The following PPP6R2 variants were observed in gnomAD, a reference collection of about 807,000 sequenced individuals.
The protein encoded by PPP6R2 is serine/threonine-protein phosphatase 6 regulatory subunit 2.
A neutral mutation model predicts 100.2 loss-of-function variants in PPP6R2; 62 were observed. The observed-to-expected ratio is 0.62, with a 90% confidence interval of 0.50 to 0.76. PPP6R2 has a LOEUF of 0.76. PPP6R2 is among the 30% of genes least tolerant of loss of function. The pLI, the probability that PPP6R2 is intolerant of heterozygous loss-of-function variation, is 0.00. For synonymous variants in PPP6R2, 525 were observed against 514.7 expected (o/e 1.02, Z -0.27); for missense variants, 1,142 against 1,276.3 (o/e 0.89, Z 1.60).
rs572893272 is a variant in PPP6R2 at position 50,396,110 on chromosome 22, G to A, written c.227+1975G>A. Reference sequence around the variant, plus strand: ...CTCCGGGAGGCTGAAGCAGGAGAATGGCTTGAACCCAGGAGGTGGAGGTTG... The same window carrying A: ...CTCCGGGAGGCTGAAGCAGGAGAATAGCTTGAACCCAGGAGGTGGAGGTTG... On this transcript the variant is annotated intron_variant, in intron 3 of 23. Coordinates refer to ENST00000612753, the MANE Select transcript of PPP6R2 (RefSeq NM_001242898.2). 4.0e-5 allele frequency among the ~76,000 whole-genome samples: 6 copies of A among 150,944 alleles called. No homozygotes were observed. In the East Asian group the frequency reaches 1.2e-3, roughly 30 times the overall value.
At chr22:50,346,166 TCAGTCAGTGCCCCC>T (rs762943159) in intron 1 of PPP6R2, among the ~76,000 whole-genome samples, 108 of 9,978 alleles carry the variant, frequency 0.011, 1 homozygote, top group South Asian at 0.036. Flanking sequence ...GTTCCCCCAG[TCAGTCAGTGCCCCC>T]CAGTCAGTGC....
At chr22:50,438,912 C>T in intron 19 of PPP6R2, 150 bp downstream of exon 19, 1 of 885,160 alleles carries the variant, frequency 1.1e-6, no homozygotes. Context: ...TCCCAGCCGT[C>T]CTGAGTAGGG....
chr22:50,394,297 G>A (rs530576794), intron 3 of PPP6R2, among the ~76,000 whole-genome samples, 162 bp downstream of exon 3: 2 of 152,308 alleles, frequency 1.3e-5, no homozygotes, highest in Non-Finnish European at 2.9e-5. Flanking sequence ...TGGGGTCTGA[G>A]GTTGAAGAGT....
chr22:50,385,948 C>T (rs1404058912), intron 2 of PPP6R2, among the ~76,000 whole-genome samples: 20 of 148,182 alleles, frequency 1.3e-4, no homozygotes, highest in African/African-American at 4.5e-4. Flanking sequence ...CTCAGCCTCC[C>T]GAGTAGCTGG....
chr22:50,336,700 T>G, the PPP6R2 span, among the ~76,000 whole-genome samples: 2 of 152,082 alleles, frequency 1.3e-5, no homozygotes, highest in Non-Finnish European at 2.9e-5. Flanking sequence ...GGCCTGTTCC[T>G]TCTTTATTTT....
intron 2 of PPP6R2, among the ~76,000 whole-genome samples, chr22:50,387,374 C>G (rs564881985): frequency 1.3e-5 from 2 of 152,288 alleles, no homozygotes; most frequent in Non-Finnish European, 2.9e-5. Flanking sequence ...CTTTTCACTT[C>G]TGATTTTGGA....
chr22:50,388,876 A>G (rs1351932618), intron 2 of PPP6R2: 1 of 152,054 alleles, frequency 6.6e-6, no homozygotes, highest in Non-Finnish European at 1.5e-5. Context: ...ATCTCAAAAA[A>G]AAAAAAGAAA....
rs181808104 is a variant in PPP6R2, at chr22:50,366,090, A to C, written c.-147-5930A>C. ...AAATATTCTTGACCTTTGTTCTGGGATGAGGTTCAATTACTTGGAAACAGT... is the reference window on the plus strand; with the variant it reads ...AAATATTCTTGACCTTTGTTCTGGGCTGAGGTTCAATTACTTGGAAACAGT... On this transcript the variant is annotated intron_variant, in intron 1 of 23. Transcript: ENST00000612753. 7.9e-5 allele frequency among the ~76,000 whole-genome samples: 12 copies of C among 152,134 alleles called. No individual in the cohort carries two copies. The East Asian group carries it at 2.3e-3, about 29-fold the overall frequency.
At chr22:50,427,798 G>T (rs1201729749) in intron 10 of PPP6R2, among the ~76,000 whole-genome samples, 2 of 152,186 alleles carry the variant, frequency 1.3e-5, no homozygotes, top group Non-Finnish European at 2.9e-5. Flanking sequence ...TCGGCTCACT[G>T]CAGGCTCCGC....
At chr22:50,396,367 T>TCAC (rs1569398388) in intron 3 of PPP6R2, among the ~76,000 whole-genome samples, 4 of 151,486 alleles carry the variant, frequency 2.6e-5, no homozygotes, top group South Asian at 2.1e-4. Flanking sequence ...TGGTGGCATG[T>TCAC]GCCTATAATC....
At chr22:50,366,706 G>A (rs1488166228) in intron 1 of PPP6R2, among the ~76,000 whole-genome samples, 5 of 152,220 alleles carry the variant, frequency 3.3e-5, no homozygotes, top group Non-Finnish European at 5.9e-5. Context: ...GGTGTCCTGT[G>A]TGGATCTTCA....
upstream of PPP6R2, among the ~76,000 whole-genome samples, chr22:50,339,417 GGT>G (rs1339778294): frequency 5.3e-5 from 7 of 132,896 alleles, no homozygotes; most frequent in Non-Finnish European, 1.1e-4. Context: ...GTGTGTGTAG[GGT>G]GTGTGGTGTG....
intron 1 of PPP6R2, among the ~76,000 whole-genome samples, chr22:50,356,107 C>T (rs541030774): frequency 1.1e-4 from 16 of 150,996 alleles, no homozygotes; most frequent in Admixed American, 9.2e-4. Context: ...GGACCACAGG[C>T]GCCCGCCACC....
At chr22:50,341,821 C>T (rs1418878327), upstream of PPP6R2, among the ~76,000 whole-genome samples, 4 of 151,998 alleles carry the variant, frequency 2.6e-5, no homozygotes, top group African/African-American at 7.2e-5. Flanking sequence ...AGTGAAACCC[C>T]GTCTCTACTA....
chr22:50,341,856 G>A (rs563272463), upstream of PPP6R2, among the ~76,000 whole-genome samples: 220 of 152,296 alleles, frequency 1.4e-3, no homozygotes, highest in African/African-American at 4.3e-3. Context: ...AGCCGGGCGC[G>A]GTGGCGGGCG....
At chr22:50,396,324 G>A (rs1169808423) in intron 3 of PPP6R2, among the ~76,000 whole-genome samples, 33 of 151,646 alleles carry the variant, frequency 2.2e-4, no homozygotes, top group African/African-American at 4.8e-4. Flanking sequence ...GTGAAACCCC[G>A]TCTCTACTAA....
At chr22:50,437,797 C>T (rs758457648) in intron 16 of PPP6R2, 46 bp from the exon 17 acceptor site, 3 of 1,540,080 alleles carry the variant, frequency 1.9e-6, no homozygotes, top group Non-Finnish European at 2.6e-6. Context: ...CCCAGATGAG[C>T]AGTGGGCCTG....
chr22:50,338,239 GGT>G, the PPP6R2 span, among the ~76,000 whole-genome samples: 2 of 129,458 alleles, frequency 1.5e-5, no homozygotes, highest in Non-Finnish European at 3.1e-5. Context: ...GTGTGTGTGT[GGT>G]GTGTTTGTGT....
chr22:50,442,842 G>A (rs942334023), intron 22 of PPP6R2, among the ~76,000 whole-genome samples: 3 of 148,358 alleles, frequency 2.0e-5, no homozygotes, highest in East Asian at 4.4e-4. Flanking sequence ...GTGAGCCACC[G>A]CGCCTGGCCT....
Sources: allele counts gnomAD v4.1 joint callset (sites outside exome capture counted in the v4.1 genomes callset), GRCh38; gene constraint gnomAD v4.1.1; transcripts MANE v1.5; gene names NCBI Gene and HGNC (gene_info 2026-07-23, HGNC 2026-07-21).